The following ZNF106 variants were observed in gnomAD, a reference collection of about 807,000 sequenced individuals.
ZNF106 encodes the protein zinc finger protein 106.
In ZNF106, 67 loss-of-function variants were observed where a neutral mutation model predicts 195.1. The ratio of observed to expected loss-of-function variants is 0.34; its 90% CI spans 0.28 to 0.42. ZNF106 has a LOEUF of 0.42. Ranked by LOEUF, ZNF106 falls within the 10% of genes least tolerant of loss-of-function variation. The pLI, the probability that ZNF106 is intolerant of heterozygous loss-of-function variation, is 1.00. For synonymous variants in ZNF106, 784 were observed against 818.6 expected, an observed-to-expected ratio of 0.96 and a Z score of 0.72; for missense variants, 2,118 against 2,304.5, an observed-to-expected ratio of 0.92 and a Z score of 1.66.
intron 7 of ZNF106, 140 bp downstream of exon 7, chr15:42,446,449 T>A (rs2055772767): frequency 7.3e-6 from 5 of 687,290 alleles, no homozygotes; most frequent in Non-Finnish European, 7.8e-6. Context: ...TAGTGTCACA[T>A]ACCAGTAGTC....
chr15:42,457,395 C>A, intron 3 of ZNF106: 1 of 1,382,468 alleles, frequency 7.2e-7, no homozygotes, highest in Non-Finnish European at 9.3e-7. Context: ...AGATAAATGT[C>A]GTTTAGGAGG....
At chr15:42,473,600 C>T (rs546947829) in intron 1 of ZNF106, among the ~76,000 whole-genome samples, 16 of 152,288 alleles carry the variant, frequency 1.1e-4, no homozygotes, top group African/African-American at 3.8e-4. Context: ...ATGGGAGAGG[C>T]CCTGCCTAAC....
Position 42,466,877 on chromosome 15 carries a change from G to C in ZNF106, c.55-763C>G, listed in dbSNP as rs141838987. Among the ~76,000 whole-genome samples, 9 of 152,280 alleles carry C rather than the reference G, an allele frequency of 5.9e-5. No individual in the cohort carries two copies. The East Asian group carries it at 1.7e-3, about 29-fold the overall frequency. ...CGGCTGGGCGTGGTGGGTCACACCT[G>C]TAATCCCAGCACTTTGGGAGGCCGA... On this transcript the variant is annotated intron_variant, in intron 2 of 21. Coordinates refer to ENST00000564754, the MANE Select transcript of ZNF106 (RefSeq NM_001366845.3).
intron 1 of ZNF106, among the ~76,000 whole-genome samples, chr15:42,479,203 G>A (rs376979003): frequency 2.6e-5 from 4 of 151,144 alleles, no homozygotes; most frequent in South Asian, 2.1e-4. Context: ...GTGAAACCCC[G>A]TCTCTACTAA....
At chr15:42,418,973 C>A (rs1295641138) in intron 20 of ZNF106, among the ~76,000 whole-genome samples, 4 of 151,512 alleles carry the variant, frequency 2.6e-5, no homozygotes, top group Non-Finnish European at 5.9e-5. Context: ...ACCCTGTAAT[C>A]CCAGCACTTT....
intron 3 of ZNF106, 135 bp from the exon 4 acceptor site, chr15:42,457,293 GCTC>G: frequency 3.9e-6 from 6 of 1,526,830 alleles, no homozygotes; most frequent in Non-Finnish European, 3.5e-6. Flanking sequence ...TAATTTCAAT[GCTC>G]CTTTCATCAC....
intron 7 of ZNF106, 103 bp from the exon 8 acceptor site, chr15:42,445,084 T>C: frequency 2.2e-6 from 3 of 1,354,622 alleles, no homozygotes; most frequent in East Asian, 2.4e-5. Flanking sequence ...TAAGACTTTA[T>C]GTTCTCCTCA....
At chr15:42,444,767 C>A in intron 8 of ZNF106, 60 bp downstream of exon 8, 1 of 1,592,104 alleles carries the variant, frequency 6.3e-7, no homozygotes, top group Non-Finnish European at 8.6e-7. Context: ...ATGGGTTTGG[C>A]AGCACAAAAC....
rs989077384 is a variant in ZNF106, at chr15:42,424,274, T to C, written c.5191-214A>G. ...ACTGACAATGTATTATTACGTTTGT[T>C]ACCTTTCCAGAATGATTATGAAGCA... On this transcript the variant is annotated intron_variant, in intron 16 of 21. Transcript: ENST00000564754. The C allele has an allele frequency of 2.7e-5, 14 of 516,670 alleles. 1 individual carries two copies. The highest frequency in any genetic ancestry group is 5.1e-4 in the Middle Eastern group (1 of 1,950). 32.0% of individuals were successfully genotyped at this position (516,670 alleles called of 1,614,324 possible). A position where few individuals can be genotyped will look rare whatever the true frequency, so the allele number is the denominator to read the frequency against.
intron 1 of ZNF106, among the ~76,000 whole-genome samples, chr15:42,481,364 T>G (rs1447026465): frequency 4.9e-5 from 7 of 144,298 alleles, no homozygotes; most frequent in African/African-American, 1.0e-4. Context: ...GTTGTTTTTT[T>G]TTTTTTTTTT....
intron 3 of ZNF106, among the ~76,000 whole-genome samples, chr15:42,458,917 A>C: frequency 6.6e-6 from 1 of 152,036 alleles, no homozygotes; most frequent in East Asian, 1.9e-4. Flanking sequence ...AGTAAGTTTA[A>C]AAAAACAACA....
chr15:42,423,296 G>C (rs939162610), intron 17 of ZNF106, among the ~76,000 whole-genome samples: 1 of 151,942 alleles, frequency 6.6e-6, no homozygotes, highest in African/African-American at 2.4e-5. Flanking sequence ...CTTGAGCCTA[G>C]GAGGTTGAGG....
intron 3 of ZNF106, among the ~76,000 whole-genome samples, chr15:42,465,593 T>C (rs887436495): frequency 1.3e-5 from 2 of 152,206 alleles, no homozygotes; most frequent in Non-Finnish European, 2.9e-5. Flanking sequence ...CTTAAATACA[T>C]TTAAGGTTTA....
rs569709992 is a variant in ZNF106 at position 42,475,585 on chromosome 15, T to G, written c.-32-3264A>C. On this transcript the variant is annotated intron_variant, in intron 1 of 21. Coordinates refer to ENST00000564754, the MANE Select transcript of ZNF106 (RefSeq NM_001366845.3). The stretch of plus-strand genomic sequence containing the variant: ...TGGATAGGTACAGTATTATTTATAC[T>G]TTCCATATTACTAATAATCTCTTAA... Among the ~76,000 whole-genome samples the G allele has an allele frequency of 2.6e-4, 40 of 152,356 alleles. No individual in the cohort carries two copies. In the South Asian group the frequency reaches 5.6e-3, roughly 21 times the overall value.
intron 14 of ZNF106, among the ~76,000 whole-genome samples, chr15:42,433,611 T>C (rs978597183): frequency 1.3e-5 from 2 of 150,210 alleles, no homozygotes; most frequent in East Asian, 2.0e-4. Flanking sequence ...GCCTCCCGAG[T>C]AGCTGGGATT....
chr15:42,473,007 G>GA (rs1168170005), intron 1 of ZNF106, among the ~76,000 whole-genome samples: 4,610 of 87,954 alleles, frequency 0.052, 139 homozygotes, highest in African/African-American at 0.11. Context: ...CTCCAACTTT[G>GA]AAAAAAAAAA....
At chr15:42,482,285 G>T (rs1392275385) in intron 1 of ZNF106, among the ~76,000 whole-genome samples, 4 of 151,814 alleles carry the variant, frequency 2.6e-5, no homozygotes, top group African/African-American at 9.7e-5. Flanking sequence ...GCATTTTAAG[G>T]TCACTCTCTA....
intron 2 of ZNF106, among the ~76,000 whole-genome samples, chr15:42,471,994 T>G (rs1466045216): frequency 6.6e-6 from 1 of 152,208 alleles, no homozygotes; most frequent in Non-Finnish European, 1.5e-5. Context: ...TAGTTTTGAA[T>G]ACGCTCAAAT....
In ZNF106 at chr15:42,413,399, G is replaced by C. The variant is rs8031541; in HGVS notation, c.*3905C>G. The C allele has an allele frequency of 1.3e-5, 2 of 152,152 alleles. No homozygotes were observed. Among genetic ancestry groups the C allele is most frequent in the South Asian group, 4.1e-4 (2 of 4,828 alleles). 9.4% of individuals were successfully genotyped at this position (152,152 alleles called of 1,614,324 possible). The stretch of plus-strand genomic sequence containing the variant: ...TATAAATGTGGCAGGTATGGCCTTC[G>C]TAATTCTAGAAGCTCCCGTTTAGGT... On this transcript the variant is annotated 3_prime_UTR_variant, in exon 22 of 22. Transcript: ENST00000564754.
Sources: gnomAD v4.1 joint callset for allele counts (sites outside exome capture counted in the v4.1 genomes callset) on GRCh38, gnomAD v4.1.1 for gene constraint, MANE v1.5 for transcripts, NCBI Gene and HGNC (gene_info 2026-07-23, HGNC 2026-07-21) for gene names.